The following DCP1A variants were observed in gnomAD, a reference collection of about 807,000 sequenced individuals.
The protein encoded by DCP1A is decapping mRNA 1A, also known as mRNA-decapping enzyme 1A.
Under a neutral mutation model 58.0 loss-of-function variants are expected in DCP1A, and 20 were observed. That is an observed-to-expected ratio of 0.34 (90% confidence interval 0.24 to 0.50). The LOEUF is 0.50. Ranked by LOEUF, DCP1A falls within the 20% of genes least tolerant of loss-of-function variation. The pLI, the probability that DCP1A is intolerant of heterozygous loss-of-function variation, is 0.98. For synonymous variants in DCP1A, 285 were observed against 275.1 expected (o/e 1.04, Z -0.36); for missense variants, 613 against 712.2 (o/e 0.86, Z 1.59).
chr3:53,342,180 G>A lies in DCP1A; in HGVS notation c.268C>T (p.Leu90Phe). ...EPVNKDLEFQLHEPFLLYRNA... is the reference protein window; with the variant it reads ...EPVNKDLEFQFHEPFLLYRNA... ...CTATACAGAAGAAATGGTTCATGGA[G>A]CTGAAATTCCAAATCTTTATTCACT... is the stretch of plus-strand genomic sequence containing the variant. Residue 90 changes from leucine (L) to phenylalanine (F), a missense_variant, in exon 3 of 10, where the codon CTC becomes TTC. Transcript: ENST00000610213. 1 of 1,603,976 alleles carries A rather than the reference G, an allele frequency of 6.2e-7. No individual in the cohort carries two copies. The highest frequency in any genetic ancestry group is 8.5e-7 in the Non-Finnish European group (1 of 1,174,254).
chr3:53,316,062 A>G (rs1707804024), intron 4 of DCP1A, among the ~76,000 whole-genome samples: 1 of 152,024 alleles, frequency 6.6e-6, no homozygotes, highest in Non-Finnish European at 1.5e-5. Flanking sequence ...CCTGGAGTAA[A>G]TCAGTTTTTT....
intron 5 of DCP1A, among the ~76,000 whole-genome samples, chr3:53,308,192 C>T (rs1182657372): frequency 7.2e-5 from 11 of 151,804 alleles, no homozygotes; most frequent in Admixed American, 6.6e-5. Flanking sequence ...GAATATAAAA[C>T]GTTCTCTGTA....
intron 8 of DCP1A, among the ~76,000 whole-genome samples, chr3:53,289,892 G>A (rs1469791048): frequency 6.6e-6 from 1 of 152,102 alleles, no homozygotes; most frequent in Non-Finnish European, 1.5e-5. Context: ...CAGTTTCAAC[G>A]GTATGGTTTT....
At chr3:53,293,636 G>C (rs1385160065) in intron 6 of DCP1A, among the ~76,000 whole-genome samples, 1 of 152,126 alleles carries the variant, frequency 6.6e-6, no homozygotes, top group African/African-American at 2.4e-5. Flanking sequence ...TAAAATGAGT[G>C]AATTAGTTGT....
chr3:53,307,514 G>A (rs1215040176), intron 5 of DCP1A, among the ~76,000 whole-genome samples: 3 of 152,174 alleles, frequency 2.0e-5, no homozygotes, highest in African/African-American at 4.8e-5. Flanking sequence ...CATTTGATTT[G>A]CAATTCTTAA....
chr3:53,312,289 G>C lies in DCP1A; in HGVS notation c.462C>G (p.Pro154=), dbSNP rs779714069. The change falls in exon 5 of 10, where the codon CCC becomes CCG. Residue 154 remains proline (P), a synonymous_variant. Coordinates refer to ENST00000610213, the MANE Select transcript of DCP1A (RefSeq NM_018403.7). ...TGCTCAGCATCTCCAGGATGTCGAT[G>C]GGCCTGTGGTCGCTGCAGCCATTGG... The part of the protein sequence containing the change: ...SQANGCSDHR[P]IDILEMLSRA... 2.7e-5 allele frequency: 43 copies of C among 1,613,156 alleles called. No individual in the cohort carries two copies. The highest frequency in any genetic ancestry group is 3.3e-4 in the Middle Eastern group (2 of 6,080).
chr3:53,289,470 A>G (rs1706772759), intron 8 of DCP1A, among the ~76,000 whole-genome samples: 1 of 151,448 alleles, frequency 6.6e-6, no homozygotes, highest in Admixed American at 6.6e-5. Flanking sequence ...AACGTAGTGG[A>G]GTGTGGTGAT....
At chr3:53,317,226 C>T (rs1245597142) in intron 4 of DCP1A, among the ~76,000 whole-genome samples, 1 of 152,092 alleles carries the variant, frequency 6.6e-6, no homozygotes, top group Non-Finnish European at 1.5e-5. Flanking sequence ...AATGCAATGG[C>T]GCGATCTTGG....
chr3:53,286,727 A>C lies in DCP1A; in HGVS notation c.*853T>G, dbSNP rs1385955655. On this transcript the variant is annotated 3_prime_UTR_variant, in exon 10 of 10. Coordinates refer to ENST00000610213, the MANE Select transcript of DCP1A (RefSeq NM_018403.7). Reference sequence around the variant, plus strand: ...CCACTGGTCCTTTTGTCAAAGTGTTAAGGAAAACAATCAACAATGACAGAA... The same window carrying C: ...CCACTGGTCCTTTTGTCAAAGTGTTCAGGAAAACAATCAACAATGACAGAA... The C allele has an allele frequency of 2.0e-5, 3 of 152,264 alleles. No homozygotes were observed. Among genetic ancestry groups the C allele is most frequent in the Non-Finnish European group, 4.4e-5 (3 of 68,060 alleles). 9.4% of individuals were successfully genotyped at this position (152,264 alleles called of 1,614,324 possible).
At position 53,308,594 on chromosome 3, in the gene DCP1A, CTTTTCTT is replaced by C. The variant is rs201298783; in HGVS notation, c.510+3640_510+3646del. 9.8e-3 allele frequency among the ~76,000 whole-genome samples: 1,493 copies of C among 152,114 alleles called. 26 individuals carry two copies. The highest frequency in any genetic ancestry group is 0.034 in the African/African-American group (1,425 of 41,502). On this transcript the variant is annotated intron_variant, in intron 5 of 9. Coordinates refer to ENST00000610213, the MANE Select transcript of DCP1A (RefSeq NM_018403.7). ...AGCGCCTGGCCTATCCTATTTTTTTCTTTTCTTTTTTCTTTTTAAGAAACAGAGTCTT... is the reference window on the plus strand; with the variant it reads ...AGCGCCTGGCCTATCCTATTTTTTTCTTTTCTTTTTAAGAAACAGAGTCTT...
chr3:53,327,336 A>G (rs1553690693), intron 3 of DCP1A, among the ~76,000 whole-genome samples: 2 of 152,202 alleles, frequency 1.3e-5, no homozygotes, highest in African/African-American at 2.4e-5. Context: ...CTTACCTACA[A>G]TTCTGGCTGA....
At chr3:53,338,798 T>C (rs1330348690) in intron 3 of DCP1A, among the ~76,000 whole-genome samples, 2 of 150,162 alleles carry the variant, frequency 1.3e-5, no homozygotes, top group African/African-American at 4.9e-5. Flanking sequence ...GAGGCAGAGC[T>C]TGCAGTGAGC....
At chr3:53,330,203 A>G (rs1294478571) in intron 3 of DCP1A, among the ~76,000 whole-genome samples, 1 of 152,316 alleles carries the variant, frequency 6.6e-6, no homozygotes, top group Non-Finnish European at 1.5e-5. Context: ...ATAAACATGC[A>G]TAGCTTTGGG....
chr3:53,336,206 C>G (rs886714430), intron 3 of DCP1A, among the ~76,000 whole-genome samples: 9 of 152,158 alleles, frequency 5.9e-5, no homozygotes, highest in Admixed American at 1.3e-4. Flanking sequence ...CGGGTTCAAA[C>G]GATTCTTCTG....
chr3:53,319,658 A>G (rs1707906265), intron 3 of DCP1A, among the ~76,000 whole-genome samples, 185 bp from the exon 4 acceptor site: 1 of 152,226 alleles, frequency 6.6e-6, no homozygotes, highest in African/African-American at 2.4e-5. Flanking sequence ...CAGGACAGGT[A>G]AAACATTCAG....
In DCP1A at chr3:53,339,411, A is replaced by G. The variant is rs1553692310; in HGVS notation, c.304+2733T>C. Among the ~76,000 whole-genome samples the G allele has an allele frequency of 2.6e-5, 4 of 152,368 alleles. No homozygotes were observed. The East Asian group carries it at 5.8e-4, about 22-fold the overall frequency. Reference sequence around the variant, plus strand: ...TCTCCCCAAGAATGTTCTAGTTAACATAATAAATACTCCTGATGATTTTAG... The same window carrying G: ...TCTCCCCAAGAATGTTCTAGTTAACGTAATAAATACTCCTGATGATTTTAG... On this transcript the variant is annotated intron_variant, in intron 3 of 9. Coordinates refer to ENST00000610213, the MANE Select transcript of DCP1A (RefSeq NM_018403.7).
Position 53,285,843 on chromosome 3 carries a change from T to C in DCP1A, c.*1737A>G, listed in dbSNP as rs1706614104. On this transcript the variant is annotated 3_prime_UTR_variant, in exon 10 of 10. Coordinates refer to ENST00000610213, the MANE Select transcript of DCP1A (RefSeq NM_018403.7). The stretch of plus-strand genomic sequence containing the variant: ...CAACACTCTGTATCCCACTATAGCT[T>C]TCTCGTTCCCAGATGATGCATAAGG... 1 of 152,188 alleles carries C rather than the reference T, an allele frequency of 6.6e-6. No individual in the cohort carries two copies. The highest frequency in any genetic ancestry group is 1.5e-5 in the Non-Finnish European group (1 of 68,036). 9.4% of individuals were successfully genotyped at this position (152,188 alleles called of 1,614,324 possible).
intron 3 of DCP1A, among the ~76,000 whole-genome samples, chr3:53,340,481 T>C (rs1392849791): frequency 6.6e-6 from 1 of 152,198 alleles, no homozygotes; most frequent in Non-Finnish European, 1.5e-5. Context: ...AGCTTTAAAA[T>C]AGGCCTTGTT....
intron 5 of DCP1A, among the ~76,000 whole-genome samples, chr3:53,308,099 G>A (rs991195713): frequency 5.3e-5 from 8 of 151,620 alleles, no homozygotes; most frequent in Admixed American, 3.3e-4. Flanking sequence ...ATTTTTGCAA[G>A]GATACGTAAC....
Sources: allele counts gnomAD v4.1 joint callset (sites outside exome capture counted in the v4.1 genomes callset), GRCh38; gene constraint gnomAD v4.1.1; transcripts MANE v1.5; gene names NCBI Gene and HGNC (gene_info 2026-07-23, HGNC 2026-07-21).